Variants in DOCK9 observed in about 807,000 individuals in gnomAD.
DOCK9 encodes the protein dedicator of cytokinesis 9, also known as dedicator of cytokinesis protein 9.
A neutral mutation model predicts 263.3 loss-of-function variants in DOCK9; 89 were observed. That is an observed-to-expected ratio of 0.34 (90% CI 0.28 to 0.40). DOCK9 has a LOEUF of 0.40. Ranked by LOEUF, DOCK9 falls within the 10% of genes least tolerant of loss-of-function variation. The pLI is 1.00. For synonymous variants in DOCK9, 976 were observed against 973.1 expected (o/e 1.00, Z -0.06); for missense variants, 2,140 against 2,603.4 (o/e 0.82, Z 3.87).
At chr13:99,075,572 C>T (rs1262742517) in intron 1 of DOCK9, among the ~76,000 whole-genome samples, 2 of 151,790 alleles carry the variant, frequency 1.3e-5, no homozygotes, top group Non-Finnish European at 2.9e-5. Flanking sequence ...CACTTTGTTG[C>T]CCAGGCTGGT....
At chr13:99,015,890 T>C (rs887256917) in intron 1 of DOCK9, 10 of 649,096 alleles carry the variant, frequency 1.5e-5, no homozygotes, top group Non-Finnish European at 2.0e-5. Flanking sequence ...TTCTAGCTGA[T>C]TGCTTCACTC....
At chr13:99,060,815 C>T (rs1257857505) in intron 1 of DOCK9, among the ~76,000 whole-genome samples, 1 of 152,168 alleles carries the variant, frequency 6.6e-6, no homozygotes, top group Non-Finnish European at 1.5e-5. Flanking sequence ...CCTGACCAGA[C>T]TGTAAGGTCT....
intron 11 of DOCK9, 66 bp downstream of exon 11, chr13:98,902,906 G>A: frequency 7.2e-7 from 1 of 1,386,250 alleles, no homozygotes; most frequent in South Asian, 1.6e-5. Context: ...AGGCTGCACT[G>A]TAAAGGTACA....
chr13:98,885,111 A>T lies in DOCK9; in HGVS notation c.2261-19T>A. Reference sequence around the variant, plus strand: ...TAGCCAACTGTTGAAAACAAAGAACAACAACAACAACAGAACACTGTGAGT... The same window carrying T: ...TAGCCAACTGTTGAAAACAAAGAACTACAACAACAACAGAACACTGTGAGT... On this transcript the variant is annotated intron_variant, in intron 20 of 52. Coordinates refer to ENST00000682017, the MANE Select transcript of DOCK9 (RefSeq NM_001366683.2). The T allele has an allele frequency of 1.2e-6, 2 of 1,610,840 alleles. No individual in the cohort carries two copies. The highest frequency in any genetic ancestry group is 1.7e-6 in the Non-Finnish European group (2 of 1,179,526).
Position 98,932,892 on chromosome 13 carries a change from G to C in DOCK9, c.244-2635C>G, listed in dbSNP as rs76477194. Among the ~76,000 whole-genome samples, 154 of 152,226 alleles carry C rather than the reference G, an allele frequency of 1.0e-3. 4 individuals carry two copies. The East Asian group carries it at 0.027, about 27-fold the overall frequency. ...TCTTTGTAAGTATTACAAAGAAACA[G>C]TGACCTTTATTACACATCTGTTCTT... is the stretch of plus-strand genomic sequence containing the variant. On this transcript the variant is annotated intron_variant, in intron 2 of 52. Transcript: ENST00000682017.
chr13:98,985,192 TG>T (rs1361632091), intron 1 of DOCK9, among the ~76,000 whole-genome samples: 2 of 152,036 alleles, frequency 1.3e-5, no homozygotes, highest in East Asian at 1.9e-4. Flanking sequence ...GAAGCTAAGA[TG>T]GGAGAGTCAG....
At chr13:98,901,355 A>T (rs1270265015) in intron 13 of DOCK9, among the ~76,000 whole-genome samples, 4 of 152,184 alleles carry the variant, frequency 2.6e-5, no homozygotes, top group African/African-American at 4.8e-5. Context: ...AATCACTGAC[A>T]CTGCTGGCCA....
intron 25 of DOCK9, 66 bp from the exon 26 acceptor site, chr13:98,880,738 A>C (rs996038357): frequency 1.9e-6 from 3 of 1,569,550 alleles, no homozygotes; most frequent in Non-Finnish European, 2.6e-6. Context: ...AGCTTGAGAG[A>C]CTCCCAAGAA....
At chr13:99,045,581 T>C (rs1474821844) in intron 1 of DOCK9, among the ~76,000 whole-genome samples, 1 of 152,118 alleles carries the variant, frequency 6.6e-6, no homozygotes, top group Non-Finnish European at 1.5e-5. Context: ...ACATGGTGAC[T>C]ACAGTAAATA....
intron 3 of DOCK9, among the ~76,000 whole-genome samples, chr13:98,928,251 C>CTGAT (rs1204241712): frequency 6.6e-6 from 1 of 152,204 alleles, no homozygotes; most frequent in African/African-American, 2.4e-5. Context: ...ATGTGACTGA[C>CTGAT]TGATTATACG....
At chr13:98,864,457 C>T (rs2093961836) in intron 30 of DOCK9, among the ~76,000 whole-genome samples, 2 of 152,186 alleles carry the variant, frequency 1.3e-5, no homozygotes, top group Non-Finnish European at 2.9e-5. Context: ...TGCCTTTTGT[C>T]CCCTATCAGA....
intron 2 of DOCK9, among the ~76,000 whole-genome samples, chr13:98,942,220 G>GTTTTTTTTTTTTTTTTTTTTT (rs60412646): frequency 1.5e-5 from 2 of 132,430 alleles, no homozygotes; most frequent in African/African-American, 3.0e-5. Flanking sequence ...CTCTGGTTAT[G>GTTTTTTTTTTTTTTTTTTTTT]TTTTTTTTTT....
At chr13:98,923,169 T>C (rs766088081) in intron 5 of DOCK9, 133 bp downstream of exon 5, 43 of 777,466 alleles carry the variant, frequency 5.5e-5, no homozygotes, top group Non-Finnish European at 8.8e-5. Flanking sequence ...TAAAAAATTA[T>C]TCCCGTTTCA....
At chr13:98,909,119 A>G (rs1048905829) in intron 9 of DOCK9, among the ~76,000 whole-genome samples, 1 of 152,144 alleles carries the variant, frequency 6.6e-6, no homozygotes, top group Non-Finnish European at 1.5e-5. Context: ...CGTGGAGAGG[A>G]GAATGAGAGG....
intron 1 of DOCK9, among the ~76,000 whole-genome samples, chr13:99,081,789 T>C (rs1392701118): frequency 6.6e-6 from 1 of 152,254 alleles, no homozygotes; most frequent in Non-Finnish European, 1.5e-5. Flanking sequence ...TCTTCTGAGT[T>C]CGCGTACGTT....
At chr13:98,813,967 G>A (rs1314586687) in intron 45 of DOCK9, among the ~76,000 whole-genome samples, 1 of 152,174 alleles carries the variant, frequency 6.6e-6, no homozygotes, top group African/African-American at 2.4e-5. Context: ...TTTATTAAGG[G>A]TCTATAGTTG....
At chr13:98,980,271 G>GT (rs1166416596), upstream of DOCK9, among the ~76,000 whole-genome samples, 1 of 152,268 alleles carries the variant, frequency 6.6e-6, no homozygotes. Flanking sequence ...GACAAACACT[G>GT]TAAGTGCTGG....
At chr13:98,859,070 T>C (rs2052859334) in intron 33 of DOCK9, 2 of 152,268 alleles carry the variant, frequency 1.3e-5, no homozygotes, top group Admixed American at 6.5e-5. Flanking sequence ...TGGTAACTAG[T>C]AAATGGTCGA....
Position 98,863,353 on chromosome 13 carries a change from C to T in DOCK9, c.3465+17G>A, listed in dbSNP as rs763915731. On this transcript the variant is annotated intron_variant, in intron 31 of 52. Transcript: ENST00000682017. Reference sequence around the variant, plus strand: ...GGACATTATCAATGCACATTCCTTCCATTGGGGACCACTCACCCTTGAAGC... The same window carrying T: ...GGACATTATCAATGCACATTCCTTCTATTGGGGACCACTCACCCTTGAAGC... 1.2e-6 allele frequency: 2 copies of T among 1,606,432 alleles called. No homozygotes were observed. The highest frequency in any genetic ancestry group is 1.7e-6 in the Non-Finnish European group (2 of 1,175,204).
Sources: allele counts gnomAD v4.1 joint callset (sites outside exome capture counted in the v4.1 genomes callset), GRCh38; gene constraint gnomAD v4.1.1; transcripts MANE v1.5; gene names NCBI Gene and HGNC (gene_info 2026-07-23, HGNC 2026-07-21).